Variants in MEIS1 observed in about 807,000 individuals in gnomAD.
MEIS1 encodes the protein homeobox protein Meis1.
Under a neutral mutation model 50.8 loss-of-function variants are expected in MEIS1, and 5 were observed. The observed-to-expected ratio is 0.10, with a 90% CI of 0.05 to 0.21. The LOEUF (loss-of-function observed/expected upper bound fraction) is 0.21. Ranked by LOEUF, MEIS1 falls within the 10% of genes least tolerant of loss-of-function variation. The pLI is 1.00. For missense variants in MEIS1, 318 were observed against 517.3 expected (o/e 0.61, Z 3.74); for synonymous variants, 176 against 179.3 (o/e 0.98, Z 0.15).
intron 9 of MEIS1, among the ~76,000 whole-genome samples, chr2:66,557,252 G>A (rs1675090089): frequency 6.6e-6 from 1 of 152,110 alleles, no homozygotes. Context: ...CAGTCCACTA[G>A]AATGTACTTA....
chr2:66,483,756 G>T (rs1221802804), intron 7 of MEIS1, among the ~76,000 whole-genome samples: 1 of 152,192 alleles, frequency 6.6e-6, no homozygotes, highest in African/African-American at 2.4e-5. Context: ...GAAGTTTGTG[G>T]TGTCAGTTAA....
intron 7 of MEIS1, among the ~76,000 whole-genome samples, chr2:66,467,528 C>T (rs1425042620): frequency 1.3e-5 from 2 of 151,496 alleles, no homozygotes; most frequent in East Asian, 2.0e-4. Flanking sequence ...ACCCAGGAGG[C>T]GGAGGTTGCA....
intron 8 of MEIS1, among the ~76,000 whole-genome samples, chr2:66,524,606 A>G (rs548280028): frequency 7.1e-4 from 108 of 152,248 alleles, no homozygotes; most frequent in African/African-American, 2.5e-3. Flanking sequence ...AAAAGGTGAT[A>G]TTGTGATAAG....
intron 6 of MEIS1, 152 bp downstream of exon 6, chr2:66,443,200 G>A: frequency 1.2e-6 from 1 of 834,118 alleles, no homozygotes; most frequent in Non-Finnish European, 1.7e-6. Context: ...TGAATAATGT[G>A]GCTATTATTG....
chr2:66,506,425 G>A (rs1673686141), intron 7 of MEIS1, among the ~76,000 whole-genome samples: 2 of 152,132 alleles, frequency 1.3e-5, no homozygotes, highest in Admixed American at 1.3e-4. Context: ...GCAGTGCATG[G>A]TGCCATGAGA....
At chr2:66,568,966 G>GTTT in intron 11 of MEIS1, 84 bp from the exon 12 acceptor site, 8 of 1,143,280 alleles carry the variant, frequency 7.0e-6, no homozygotes, top group South Asian at 1.4e-5. Context: ...TCTAGATCCT[G>GTTT]TTTTTTTTTT....
At chr2:66,544,903 T>C (rs1352187473) in intron 8 of MEIS1, among the ~76,000 whole-genome samples, 2 of 152,198 alleles carry the variant, frequency 1.3e-5, no homozygotes, top group African/African-American at 4.8e-5. Context: ...GCCATATTAC[T>C]ACCCTTTGAA....
intron 8 of MEIS1, among the ~76,000 whole-genome samples, chr2:66,538,463 G>A (rs1188918019): frequency 6.6e-6 from 1 of 152,186 alleles, no homozygotes; most frequent in Non-Finnish European, 1.5e-5. Flanking sequence ...CTACTATTCT[G>A]GGATTTGTTG....
chr2:66,542,415 C>T (rs1413507909), intron 8 of MEIS1, among the ~76,000 whole-genome samples: 1 of 152,104 alleles, frequency 6.6e-6, no homozygotes. Context: ...AAAAGAAGTT[C>T]TGAAATTGTT....
intron 8 of MEIS1, among the ~76,000 whole-genome samples, chr2:66,527,591 A>AGT (rs71409176): frequency 0.036 from 4,437 of 124,396 alleles, 85 homozygotes; most frequent in African/African-American, 0.077. Flanking sequence ...AGTAAAAGCA[A>AGT]GTGTGTGTGT....
chr2:66,439,183 T>C (rs2103676220), intron 2 of MEIS1: 1 of 686,518 alleles, frequency 1.5e-6, no homozygotes, highest in Non-Finnish European at 1.8e-6. Context: ...TGAAAGGCTC[T>C]ACTGCAGGAA....
intron 7 of MEIS1, chr2:66,495,959 A>AG (rs1673391955): frequency 6.6e-6 from 1 of 152,468 alleles, no homozygotes; most frequent in Admixed American, 6.5e-5. Flanking sequence ...TTCAGAAGTC[A>AG]GGCAGGCCTA....
intron 6 of MEIS1, among the ~76,000 whole-genome samples, chr2:66,460,813 T>G (rs965939216): frequency 8.5e-5 from 13 of 152,192 alleles, no homozygotes; most frequent in Non-Finnish European, 5.9e-5. Flanking sequence ...AGAGCAGTGG[T>G]TCTCAAATTT....
At chr2:66,461,010 C>T (rs1489587932) in intron 6 of MEIS1, among the ~76,000 whole-genome samples, 1 of 152,082 alleles carries the variant, frequency 6.6e-6, no homozygotes, top group African/African-American at 2.4e-5. Context: ...TAAATGAGAA[C>T]GCAGCCATTG....
At chr2:66,528,014 A>G (rs529060368) in intron 8 of MEIS1, among the ~76,000 whole-genome samples, 20 of 152,304 alleles carry the variant, frequency 1.3e-4, no homozygotes, top group African/African-American at 4.8e-4. Context: ...GCTGGAGTGA[A>G]CAGAACAGTC....
intron 8 of MEIS1, among the ~76,000 whole-genome samples, chr2:66,524,697 A>AG (rs1674206642): frequency 2.5e-5 from 1 of 40,752 alleles, no homozygotes; most frequent in Non-Finnish European, 1.1e-4. Flanking sequence ...GAAGCCTTTA[A>AG]ATTTTTTTTC....
At chr2:66,516,245 G>T (rs1245194201) in intron 8 of MEIS1, among the ~76,000 whole-genome samples, 1 of 152,148 alleles carries the variant, frequency 6.6e-6, no homozygotes, top group East Asian at 1.9e-4. Flanking sequence ...CCTGCATGGA[G>T]CTCCCGTGCT....
intron 8 of MEIS1, among the ~76,000 whole-genome samples, chr2:66,546,978 A>G (rs951535296): frequency 6.6e-6 from 1 of 152,168 alleles, no homozygotes; most frequent in Non-Finnish European, 1.5e-5. Context: ...TTGGGGGTGC[A>G]CTTTTCCATT....
Position 66,565,913 on chromosome 2 carries a change from AT to A in MEIS1, c.966-1532del, listed in dbSNP as rs552269620. On this transcript the variant is annotated intron_variant, in intron 9 of 12. Transcript: ENST00000272369. ...GTGAAGGCAGCTAATGAAAAAACAGATTTTTTTTCATTTTAATTGGTTATTT... is the reference window on the plus strand; with the variant it reads ...GTGAAGGCAGCTAATGAAAAAACAGATTTTTTTCATTTTAATTGGTTATTT... Among the ~76,000 whole-genome samples, 290 of 152,078 alleles carry A rather than the reference AT, an allele frequency of 1.9e-3. 2 individuals carry two copies. The highest frequency in any genetic ancestry group is 0.018 in the East Asian group (93 of 5,172).
Sources: gnomAD v4.1 joint callset for allele counts (sites outside exome capture counted in the v4.1 genomes callset) on GRCh38, gnomAD v4.1.1 for gene constraint, MANE v1.5 for transcripts, NCBI Gene and HGNC (gene_info 2026-07-23, HGNC 2026-07-21) for gene names.